The following FHIT variants were observed in gnomAD, a reference collection of about 807,000 sequenced individuals.
The protein encoded by FHIT is bis(5'-adenosyl)-triphosphatase.
Under a neutral mutation model 17.9 loss-of-function variants are expected in FHIT, and 19 were observed. The observed-to-expected ratio is 1.06, with a 90% CI of 0.74 to 1.56. The LOEUF (loss-of-function observed/expected upper bound fraction) is 1.56. FHIT is among the 40% of genes most tolerant of loss of function. FHIT has a pLI of 0.00. For synonymous variants in FHIT, 81 were observed against 69.7 expected (o/e 1.16, Z -0.81); for missense variants, 248 against 189.2 (o/e 1.31, Z -1.82).
intron 4 of FHIT, among the ~76,000 whole-genome samples, chr3:60,605,686 T>A (rs1422600055): frequency 6.6e-6 from 1 of 152,154 alleles, no homozygotes. Flanking sequence ...TGGAAACAAC[T>A]AACATCATAT....
chr3:59,781,303 C>G (rs867864573), intron 8 of FHIT, among the ~76,000 whole-genome samples: 3 of 152,206 alleles, frequency 2.0e-5, no homozygotes, highest in Non-Finnish European at 4.4e-5. Context: ...GGCTATGGCA[C>G]TTGACAGACG....
chr3:60,268,819 C>A (rs1245128628), intron 5 of FHIT, among the ~76,000 whole-genome samples: 1 of 151,480 alleles, frequency 6.6e-6, no homozygotes, highest in Admixed American at 6.6e-5. Context: ...AATCTGCTGG[C>A]CTTAAGGCAG....
At chr3:60,341,233 G>A (rs1463282841) in intron 5 of FHIT, among the ~76,000 whole-genome samples, 2 of 152,114 alleles carry the variant, frequency 1.3e-5, no homozygotes, top group Admixed American at 1.3e-4. Context: ...CAGCACTTTA[G>A]TTTGTAAGGT....
chr3:60,707,381 G>T (rs1553703815), intron 4 of FHIT, among the ~76,000 whole-genome samples: 1 of 152,144 alleles, frequency 6.6e-6, no homozygotes, highest in African/African-American at 2.4e-5. Context: ...ATGTTTATTT[G>T]GGGGGTTTAC....
chr3:59,798,975 A>G (rs1168691213), intron 8 of FHIT, among the ~76,000 whole-genome samples: 4 of 152,176 alleles, frequency 2.6e-5, no homozygotes, highest in African/African-American at 9.7e-5. Flanking sequence ...ACGTTGGTGA[A>G]CTCTCAGAAA....
intron 3 of FHIT, among the ~76,000 whole-genome samples, chr3:61,008,548 G>A (rs896308556): frequency 1.3e-5 from 2 of 150,140 alleles, no homozygotes; most frequent in Non-Finnish European, 3.0e-5. Flanking sequence ...GATAGAGGTG[G>A]TTGTGTTTGT....
chr3:60,084,098 C>T (rs1703400962), intron 5 of FHIT, among the ~76,000 whole-genome samples: 1 of 152,098 alleles, frequency 6.6e-6, no homozygotes, highest in Non-Finnish European at 1.5e-5. Flanking sequence ...TCTATACGTA[C>T]ATACATAATG....
chr3:61,227,807 A>C (rs547212444), intron 1 of FHIT, among the ~76,000 whole-genome samples: 2 of 152,266 alleles, frequency 1.3e-5, no homozygotes, highest in African/African-American at 2.4e-5. Context: ...TGCCCTTTCT[A>C]CTAAAGCCCG....
At chr3:60,659,668 C>A (rs1340410370) in intron 4 of FHIT, among the ~76,000 whole-genome samples, 1 of 152,018 alleles carries the variant, frequency 6.6e-6, no homozygotes, top group Non-Finnish European at 1.5e-5. Flanking sequence ...GTTCATACAT[C>A]ATTTATTTTT....
intron 1 of FHIT, among the ~76,000 whole-genome samples, chr3:61,235,806 T>C (rs879541872): frequency 2.0e-5 from 3 of 152,092 alleles, no homozygotes; most frequent in Non-Finnish European, 2.9e-5. Context: ...TTAGGGAAAA[T>C]GTTGGGTTTT....
At chr3:61,051,364 C>T (rs1018666112) in intron 2 of FHIT, among the ~76,000 whole-genome samples, 4 of 152,078 alleles carry the variant, frequency 2.6e-5, no homozygotes, top group Middle Eastern at 3.2e-3. Flanking sequence ...ATCCTTCCAC[C>T]TCAGCCTCCC....
chr3:60,995,046 C>G (rs964199497), intron 3 of FHIT, among the ~76,000 whole-genome samples: 1 of 152,110 alleles, frequency 6.6e-6, no homozygotes, highest in Admixed American at 6.5e-5. Context: ...ACCAGCCAGG[C>G]GCGGTGGCTC....
At chr3:60,670,063 T>C (rs1161890945) in intron 4 of FHIT, among the ~76,000 whole-genome samples, 1 of 152,202 alleles carries the variant, frequency 6.6e-6, no homozygotes, top group Non-Finnish European at 1.5e-5. Flanking sequence ...AATCTATTAC[T>C]CTTTTCAGAA....
intron 5 of FHIT, among the ~76,000 whole-genome samples, chr3:60,204,360 C>G (rs753861170): frequency 6.6e-6 from 1 of 152,126 alleles, no homozygotes; most frequent in African/African-American, 2.4e-5. Context: ...GCCTCCACCC[C>G]CTGGGCTCAA....
At chr3:60,238,143 C>CA (rs5849346) in intron 5 of FHIT, among the ~76,000 whole-genome samples, 67,166 of 111,652 alleles carry the variant, frequency 0.6, 20,396 homozygotes, top group East Asian at 0.84. Context: ...GACTCCGTCT[C>CA]AAAAAAAAAA....
chr3:60,634,641 CAG>C (rs1253426570), intron 4 of FHIT, among the ~76,000 whole-genome samples: 2 of 152,070 alleles, frequency 1.3e-5, no homozygotes, highest in East Asian at 1.9e-4. Context: ...GCTGTGTGGC[CAG>C]AGTTTCCTCT....
At chr3:60,931,019 G>T (rs1235670469) in intron 3 of FHIT, among the ~76,000 whole-genome samples, 6 of 152,182 alleles carry the variant, frequency 3.9e-5, no homozygotes, top group Non-Finnish European at 7.4e-5. Context: ...ATACACCATG[G>T]AATACTATGC....
At chr3:60,325,744 A>T (rs1709661702) in intron 5 of FHIT, among the ~76,000 whole-genome samples, 1 of 152,228 alleles carries the variant, frequency 6.6e-6, no homozygotes, top group South Asian at 2.1e-4. Context: ...GACACTTCAG[A>T]ATAAAATTCA....
At chr3:59,795,589 T>C (rs1262414617) in intron 8 of FHIT, among the ~76,000 whole-genome samples, 1 of 151,884 alleles carries the variant, frequency 6.6e-6, no homozygotes, top group Non-Finnish European at 1.5e-5. Context: ...CTGGGCACGG[T>C]GGTGGGTGCC....
Sources: gnomAD v4.1 joint callset for allele counts (sites outside exome capture counted in the v4.1 genomes callset) on GRCh38, gnomAD v4.1.1 for gene constraint, MANE v1.5 for transcripts, NCBI Gene and HGNC (gene_info 2026-07-23, HGNC 2026-07-21) for gene names.